The following XPO1 variants were observed in gnomAD, a reference collection of about 807,000 sequenced individuals.
XPO1 encodes the protein exportin 1.
Under a neutral mutation model 133.3 loss-of-function variants are expected in XPO1, and 5 were observed. The ratio of observed to expected loss-of-function variants is 0.04; its 90% CI spans 0.02 to 0.08. The LOEUF is 0.08. Ranked by LOEUF, XPO1 falls within the 10% of genes least tolerant of loss-of-function variation. The pLI, the probability that XPO1 is intolerant of heterozygous loss-of-function variation, is 1.00. For missense variants in XPO1, 506 were observed against 1,267.5 expected, an observed-to-expected ratio of 0.40 and a Z score of 9.12; for synonymous variants, 419 against 408.2, an observed-to-expected ratio of 1.03 and a Z score of -0.32.
chr2:61,488,153 T>A lies in XPO1; in HGVS notation c.2313+12A>T, dbSNP rs2104380618. The A allele has an allele frequency of 6.2e-7, 1 of 1,609,506 alleles. No individual in the cohort carries two copies. The highest frequency in any genetic ancestry group is 8.5e-7 in the Non-Finnish European group (1 of 1,175,960). On this transcript the variant is annotated intron_variant, in intron 19 of 24. Transcript: ENST00000401558. ...AACACTAGAAATCAAAAGCAAAGCA[T>A]CTCTCACTTACCATCTGTGGATCAT...
intron 9 of XPO1, among the ~76,000 whole-genome samples, chr2:61,498,366 G>A (rs12713438): frequency 0.59 from 90,371 of 152,108 alleles, 26,893 homozygotes; most frequent in Middle Eastern, 0.68. Flanking sequence ...GTTAAAAGAT[G>A]AACTTTTCAT....
chr2:61,508,917 C>CAA (rs550192235), intron 4 of XPO1, among the ~76,000 whole-genome samples: 140 of 152,252 alleles, frequency 9.2e-4, no homozygotes, highest in Non-Finnish European at 1.5e-3. Context: ...TTACATATTC[C>CAA]AATTCCTCTC....
At chr2:61,526,320 T>A (rs1698903087) in intron 3 of XPO1, 100 bp downstream of exon 3, 1 of 1,466,996 alleles carries the variant, frequency 6.8e-7, no homozygotes. Context: ...TATAAAATAA[T>A]TTGAGATAAC....
intron 1 of XPO1, among the ~76,000 whole-genome samples, chr2:61,535,828 GAAAT>G (rs1436358224): frequency 6.6e-6 from 1 of 151,680 alleles, no homozygotes; most frequent in African/African-American, 2.4e-5. Flanking sequence ...ATACTGAGAG[GAAAT>G]ATATATTCCA....
intron 4 of XPO1, among the ~76,000 whole-genome samples, chr2:61,511,111 T>G (rs1302620084): frequency 6.6e-6 from 1 of 152,114 alleles, no homozygotes; most frequent in Non-Finnish European, 1.5e-5. Flanking sequence ...ACAATGTGCC[T>G]GAAAATACTG....
chr2:61,528,142 G>C (rs1698988106), intron 2 of XPO1, among the ~76,000 whole-genome samples: 1 of 151,846 alleles, frequency 6.6e-6, no homozygotes, highest in Admixed American at 6.6e-5. Flanking sequence ...GGCCAGGCTG[G>C]TCTTGAACTC....
Position 61,483,746 on chromosome 2 carries a change from A to G in XPO1, c.2677+191T>C, listed in dbSNP as rs116671847. On this transcript the variant is annotated intron_variant, in intron 21 of 24. Transcript: ENST00000401558. ...ACTAGGCCGCTCTCCCCATAACTCAATTCTGCCTATGGACTCACTTGGAGT... is the reference window on the plus strand; with the variant it reads ...ACTAGGCCGCTCTCCCCATAACTCAGTTCTGCCTATGGACTCACTTGGAGT... 3.3e-3 allele frequency: 1,935 copies of G among 588,396 alleles called. 6 individuals are homozygous for G. Among genetic ancestry groups the G allele is most frequent in the Non-Finnish European group, 4.5e-3 (1,573 of 347,338 alleles). The allele number at this position is 588,396 out of a possible 1,614,324, so 36.4% of individuals were successfully genotyped here.
chr2:61,529,980 G>A (rs1178579685), intron 2 of XPO1, among the ~76,000 whole-genome samples: 4 of 152,168 alleles, frequency 2.6e-5, no homozygotes, highest in Admixed American at 1.3e-4. Flanking sequence ...AAGGACTGAT[G>A]GGCATAATGT....
At chr2:61,500,656 A>G (rs888239644) in intron 6 of XPO1, among the ~76,000 whole-genome samples, 15 of 150,788 alleles carry the variant, frequency 9.9e-5, no homozygotes, top group Non-Finnish European at 2.1e-4. Context: ...AAAATTAGCC[A>G]GGGGTGGTGG....
intron 4 of XPO1, among the ~76,000 whole-genome samples, chr2:61,514,677 T>C (rs1018821369): frequency 2.0e-5 from 3 of 151,800 alleles, no homozygotes; most frequent in Non-Finnish European, 4.4e-5. Context: ...CTAAAAACAT[T>C]GTCTATACCA....
At chr2:61,534,631 C>CGAGAT in intron 1 of XPO1, 1 of 152,114 alleles carries the variant, frequency 6.6e-6, no homozygotes, top group East Asian at 1.9e-4. Flanking sequence ...TGCAGTAAGC[C>CGAGAT]GAGATGCACC....
At chr2:61,518,371 T>G (rs1698502678) in intron 4 of XPO1, among the ~76,000 whole-genome samples, 1 of 147,464 alleles carries the variant, frequency 6.8e-6, no homozygotes, top group Non-Finnish European at 1.5e-5. Flanking sequence ...GCTAACACGG[T>G]GAAACCCCGT....
intron 2 of XPO1, 148 bp from the exon 3 acceptor site, chr2:61,526,669 C>A: frequency 1.8e-6 from 1 of 558,570 alleles, no homozygotes; most frequent in Non-Finnish European, 2.8e-6. Flanking sequence ...TTAGACCTTA[C>A]AGAAATAGAA....
intron 4 of XPO1, among the ~76,000 whole-genome samples, chr2:61,511,613 T>C (rs1299881166): frequency 2.0e-5 from 3 of 152,158 alleles, no homozygotes; most frequent in Non-Finnish European, 2.9e-5. Context: ...AGTCTAACTA[T>C]CTTGTCCTGG....
intron 4 of XPO1, among the ~76,000 whole-genome samples, chr2:61,507,961 G>A (rs1448808530): frequency 2.0e-5 from 3 of 152,106 alleles, no homozygotes; most frequent in East Asian, 1.9e-4. Context: ...AAGTCCTGAC[G>A]TTGCCAACAG....
At chr2:61,534,785 A>G (rs914515235) in intron 1 of XPO1, 3 of 152,256 alleles carry the variant, frequency 2.0e-5, no homozygotes, top group Admixed American at 1.3e-4. Context: ...CAAGTCTAAC[A>G]TATCTTGGTA....
chr2:61,535,111 G>C (rs938499490), intron 1 of XPO1, among the ~76,000 whole-genome samples: 1 of 152,194 alleles, frequency 6.6e-6, no homozygotes, highest in African/African-American at 2.4e-5. Flanking sequence ...ATCCTTTTAA[G>C]AGGATTCTAC....
chr2:61,501,721 C>CAAAAAAAAAAAAA (rs34659499), intron 6 of XPO1, among the ~76,000 whole-genome samples: 1 of 111,406 alleles, frequency 9.0e-6, no homozygotes, highest in African/African-American at 3.4e-5. Context: ...AGACTGTCTC[C>CAAAAAAAAAAAAA]AAAAAAAAAA....
chr2:61,496,965 G>C lies in XPO1; in HGVS notation c.802C>G (p.Leu268Val). The stretch of plus-strand genomic sequence containing the variant: ...ACACTCACACCAGCAATCTCAGTGA[G>C]GCACTTCAGAGAGACATTTCGAAAC... ...PMFRNVSLKC[L>V]TEIAGVSVSQ... The change falls in exon 10 of 25, where the codon CTC becomes GTC. Residue 268 changes from leucine (L) to valine (V), a missense_variant. Around this residue, in one of 6 missense-constraint regions of XPO1, gnomAD observed 134 missense variants for 261.6 expected, o/e 0.51. Coordinates refer to ENST00000401558, the MANE Select transcript of XPO1 (RefSeq NM_003400.4). 1 of 1,613,276 alleles carries C rather than the reference G, an allele frequency of 6.2e-7. No homozygotes were observed.
Sources: allele counts gnomAD v4.1 joint callset (sites outside exome capture counted in the v4.1 genomes callset), GRCh38; gene constraint gnomAD v4.1.1; regional missense constraint gnomAD v4.1.1; transcripts MANE v1.5; gene names NCBI Gene and HGNC (gene_info 2026-07-23, HGNC 2026-07-21).